The following ZNF512 variants were observed in gnomAD, a reference collection of about 807,000 sequenced individuals.
ZNF512 encodes zinc finger protein 512.
ZNF512 carries 25 observed loss-of-function variants against 77.5 expected under a neutral mutation model. That is an observed-to-expected ratio of 0.32 (90% CI 0.23 to 0.45). ZNF512 has a LOEUF of 0.45. Among genes scored for constraint, ZNF512 ranks in the 20% least tolerant of loss-of-function variants. ZNF512 has a pLI of 1.00. For missense variants in ZNF512, 483 were observed against 692.6 expected (o/e 0.70, Z 3.40); for synonymous variants, 246 against 239.9 (o/e 1.03, Z -0.24).
In ZNF512 at chr2:27,607,695, A is replaced by G; in HGVS notation, c.937-150A>G. 6.9e-6 allele frequency: 5 copies of G among 720,382 alleles called. 1 individual carries two copies. Among genetic ancestry groups the G allele is most frequent in the South Asian group, 5.8e-5 (3 of 51,912 alleles). The allele number at this position is 720,382 out of a possible 1,614,324, so 44.6% of individuals were successfully genotyped here. A position where few individuals can be genotyped will look rare whatever the true frequency, so the allele number is the denominator to read the frequency against. On this transcript the variant is annotated intron_variant, in intron 9 of 13. Transcript: ENST00000355467. ...AAGAAGCTTTTTTTACCAGTAAAAT[A>G]TACATTAATATGGTGGAACTTGATG...
At chr2:27,605,629 C>T (rs1214014701) in intron 9 of ZNF512, among the ~76,000 whole-genome samples, 1 of 151,916 alleles carries the variant, frequency 6.6e-6, no homozygotes, top group Non-Finnish European at 1.5e-5. Flanking sequence ...GCGAGTGCCA[C>T]CTCACCCAGC....
chr2:27,612,764 G>C (rs1414057093), intron 10 of ZNF512, among the ~76,000 whole-genome samples: 1 of 152,074 alleles, frequency 6.6e-6, no homozygotes. Context: ...TTTTCATCTT[G>C]AGCCTTACAG....
At chr2:27,613,674 A>G (rs1413552034) in intron 10 of ZNF512, among the ~76,000 whole-genome samples, 1 of 152,104 alleles carries the variant, frequency 6.6e-6, no homozygotes, top group Non-Finnish European at 1.5e-5. Context: ...TACTGAGAAT[A>G]CAGTATGCTT....
At chr2:27,583,301 C>A in intron 1 of ZNF512, 159 bp downstream of exon 1, 2 of 1,296,054 alleles carry the variant, frequency 1.5e-6, no homozygotes, top group Non-Finnish European at 2.2e-6. Context: ...TCTTTACCCA[C>A]GTTCTGCTGC....
chr2:27,603,141 G>C lies in ZNF512; in HGVS notation c.770G>C (p.Ser257Thr), dbSNP rs767449999. The change falls in exon 9 of 14, where the codon AGT (serine) becomes ACT (threonine). Residue 257 changes from serine to threonine, a missense_variant and splice_region_variant. Around this residue, in one of 2 missense-constraint regions of ZNF512, gnomAD observed 324 missense variants for 525.0 expected, o/e 0.62. Transcript: ENST00000355467. ...TTTAGGCTTCTCTCCTCTGTTCAGA[G>C]TTGCTCCAGTAGCTTCACCAGCATC... ...RLGKLRCMRE[S>T]CSSSFTSIMG... 19 of 1,614,106 alleles carry C rather than the reference G, an allele frequency of 1.2e-5. No homozygotes were observed. Among genetic ancestry groups the C allele is most frequent in the Admixed American group, 1.2e-4 (7 of 60,014 alleles).
At chr2:27,608,113 T>C in intron 10 of ZNF512, 74 bp downstream of exon 10, 1 of 1,376,944 alleles carries the variant, frequency 7.3e-7, no homozygotes, top group Non-Finnish European at 9.7e-7. Flanking sequence ...GAGAAGTAAA[T>C]GCACTTGAGG....
chr2:27,595,706 T>C (rs1171261890), intron 2 of ZNF512, among the ~76,000 whole-genome samples: 3 of 152,244 alleles, frequency 2.0e-5, no homozygotes, highest in African/African-American at 7.2e-5. Flanking sequence ...TGAACCTATC[T>C]GATGAGTTTT....
At chr2:27,599,840 A>T in intron 4 of ZNF512, 130 bp from the exon 5 acceptor site, 1 of 1,223,654 alleles carries the variant, frequency 8.2e-7, no homozygotes. Context: ...ATACCCTTTC[A>T]TTCTGTCCTG....
At chr2:27,598,396 G>A (rs975178303) in intron 3 of ZNF512, 142 bp downstream of exon 3, 21 of 738,930 alleles carry the variant, frequency 2.8e-5, no homozygotes, top group Non-Finnish European at 4.0e-5. Context: ...TTGGGAGGTC[G>A]AGGCGGGCGG....
chr2:27,611,102 A>G (rs910572218), intron 10 of ZNF512, among the ~76,000 whole-genome samples: 7 of 152,134 alleles, frequency 4.6e-5, no homozygotes, highest in African/African-American at 1.4e-4. Context: ...TGTACATATA[A>G]GCAATGTATA....
At chr2:27,587,797 C>T (rs530766448) in intron 2 of ZNF512, among the ~76,000 whole-genome samples, 14 of 151,900 alleles carry the variant, frequency 9.2e-5, no homozygotes, top group Non-Finnish European at 1.8e-4. Flanking sequence ...TTCTTCTGCT[C>T]ACCCTCCGGA....
chr2:27,583,092 G>A lies in ZNF512; in HGVS notation c.-21G>A. 5.0e-6 allele frequency: 8 copies of A among 1,614,124 alleles called. No homozygotes were observed. The highest frequency in any genetic ancestry group is 1.3e-5 in the African/African-American group (1 of 75,026). Reference sequence around the variant, plus strand: ...CTGGCCGGAGCCCTTGGGTGAAATTGTTAGGCGTGGAGAGGGAGTGATGTC... The same window carrying A: ...CTGGCCGGAGCCCTTGGGTGAAATTATTAGGCGTGGAGAGGGAGTGATGTC... On this transcript the variant is annotated 5_prime_UTR_variant, in exon 1 of 14. Coordinates refer to ENST00000355467, the MANE Select transcript of ZNF512 (RefSeq NM_032434.4).
chr2:27,597,385 T>C (rs1262982839), intron 2 of ZNF512, among the ~76,000 whole-genome samples: 3 of 152,224 alleles, frequency 2.0e-5, no homozygotes, highest in African/African-American at 7.2e-5. Context: ...GAACTGCTGC[T>C]CTGCTGCATC....
At chr2:27,602,654 C>A in intron 8 of ZNF512, 93 bp downstream of exon 8, 3 of 1,047,056 alleles carry the variant, frequency 2.9e-6, no homozygotes, top group Non-Finnish European at 4.1e-6. Flanking sequence ...TCATTGTAGA[C>A]TTCCTAGTTC....
intron 10 of ZNF512, among the ~76,000 whole-genome samples, chr2:27,611,678 G>A (rs1672670998): frequency 6.6e-6 from 1 of 150,952 alleles, no homozygotes; most frequent in Non-Finnish European, 1.5e-5. Context: ...AGCATCCATT[G>A]ACAATATTTG....
intron 2 of ZNF512, among the ~76,000 whole-genome samples, chr2:27,589,288 G>T (rs1412828891): frequency 6.6e-6 from 1 of 152,108 alleles, no homozygotes; most frequent in Non-Finnish European, 1.5e-5. Context: ...TTATTTAATA[G>T]ATATAGGGCT....
Position 27,615,253 on chromosome 2 carries a change from T to G in ZNF512, c.1217T>G (p.Ile406Ser). The change falls in exon 11 of 14, where the codon ATT becomes AGT. Residue 406 changes from isoleucine to serine, a missense_variant. By Grantham distance (142) the Ile-to-Ser change is moderately radical. Transcript: ENST00000355467. ...WKTDIKKYHR[I>S]QCPNQGCEAV... ...ACAGATATCAAGAAATATCATCGTA[T>G]TCAGTGTCCTAACCAGGTGGTTCTT... is the stretch of plus-strand genomic sequence containing the variant. The G allele has an allele frequency of 6.2e-7, 1 of 1,601,242 alleles. No individual in the cohort carries two copies. The highest frequency in any genetic ancestry group is 8.5e-7 in the Non-Finnish European group (1 of 1,173,562).
intron 2 of ZNF512, among the ~76,000 whole-genome samples, chr2:27,593,195 T>TACACACACACACAC (rs57568574): frequency 8.9e-5 from 10 of 112,140 alleles, no homozygotes; most frequent in East Asian, 8.2e-4. Context: ...ACCCTGTCTC[T>TACACACACACACAC]ACACACACAC....
chr2:27,602,636 TC>T, intron 8 of ZNF512, 75 bp downstream of exon 8: 1 of 1,306,316 alleles, frequency 7.7e-7, no homozygotes, highest in Middle Eastern at 1.9e-4. Context: ...TTCCATTTCT[TC>T]TCTTCCTCAT....
Sources: allele counts gnomAD v4.1 joint callset (sites outside exome capture counted in the v4.1 genomes callset), GRCh38; gene constraint gnomAD v4.1.1; regional missense constraint gnomAD v4.1.1; transcripts MANE v1.5; gene names NCBI Gene and HGNC (gene_info 2026-07-23, HGNC 2026-07-21).